The following DNAJC3 variants were observed in gnomAD, a reference collection of about 807,000 sequenced individuals.
DNAJC3 encodes dnaJ homolog subfamily C member 3.
In DNAJC3, 38 loss-of-function variants were observed where a neutral mutation model predicts 68.6. That is an observed-to-expected ratio of 0.55 (90% CI 0.43 to 0.73). The LOEUF is 0.73. Among genes scored for constraint, DNAJC3 ranks in the 30% least tolerant of loss-of-function variants. The pLI is 0.00. For missense variants in DNAJC3, 526 were observed against 591.9 expected (o/e 0.89, Z 1.16); for synonymous variants, 203 against 204.0 (o/e 1.00, Z 0.04).
In DNAJC3 at chr13:95,794,967, A is replaced by C. The variant is rs1883917278; in HGVS notation, c.*3937A>C. On this transcript the variant is annotated 3_prime_UTR_variant, in exon 12 of 12. Coordinates refer to ENST00000602402, the MANE Select transcript of DNAJC3 (RefSeq NM_006260.5). ...CCCGTGTATTTTCACATTTAATAAA[A>C]ATATTTATGGTCATATCAGTATTTC... The C allele has an allele frequency of 6.6e-6, 1 of 152,256 alleles. No individual in the cohort carries two copies. Among genetic ancestry groups the C allele is most frequent in the Non-Finnish European group, 1.5e-5 (1 of 68,046 alleles). 9.4% of individuals were successfully genotyped at this position (152,256 alleles called of 1,614,324 possible). A position where few individuals can be genotyped will look rare whatever the true frequency, so the allele number is the denominator to read the frequency against.
rs117596463 is a variant in DNAJC3 at position 95,681,404 on chromosome 13, G to A, written c.82+4067G>A. Among the ~76,000 whole-genome samples, 142 of 152,238 alleles carry A rather than the reference G, an allele frequency of 9.3e-4. 2 individuals carry two copies. The East Asian group carries it at 0.021, about 23-fold the overall frequency. On this transcript the variant is annotated intron_variant, in intron 1 of 11. Transcript: ENST00000602402. Reference sequence around the variant, plus strand: ...CTTGCCCTGTCACCCAGGCTGGAGTGCAGTGGCATGATCCTAGCTCAATGT... The same window carrying A: ...CTTGCCCTGTCACCCAGGCTGGAGTACAGTGGCATGATCCTAGCTCAATGT...
rs1309668874 is a variant in DNAJC3 at position 95,763,766 on chromosome 13, C to T, written c.954+18C>T. On this transcript the variant is annotated intron_variant, in intron 8 of 11. Coordinates refer to ENST00000602402, the MANE Select transcript of DNAJC3 (RefSeq NM_006260.5). ...TTTCTAAGGTAACAGTTGACTTGTT[C>T]CCAGAAATGTGAAAACTCAACATGT... 1.2e-6 allele frequency: 2 copies of T among 1,613,604 alleles called. No homozygotes were observed. Among genetic ancestry groups the T allele is most frequent in the Non-Finnish European group, 1.7e-6 (2 of 1,179,738 alleles).
In DNAJC3 at chr13:95,677,183, G is replaced by A. The variant is rs1434281703; in HGVS notation, c.-73G>A. ...CGAGAGCCGACGGCGGGCGGGCGCAGCTGCTGCCGGAGCGCCGGCGCGTGC... is the reference window on the plus strand; with the variant it reads ...CGAGAGCCGACGGCGGGCGGGCGCAACTGCTGCCGGAGCGCCGGCGCGTGC... On this transcript the variant is annotated 5_prime_UTR_variant, in exon 1 of 12. Coordinates refer to ENST00000602402, the MANE Select transcript of DNAJC3 (RefSeq NM_006260.5). 5 of 1,452,324 alleles carry A rather than the reference G, an allele frequency of 3.4e-6. No homozygotes were observed. In the Admixed American group the frequency reaches 7.7e-5, roughly 22 times the overall value. 90.0% of individuals were successfully genotyped at this position (1,452,324 alleles called of 1,614,324 possible). A position where few individuals can be genotyped will look rare whatever the true frequency, so the allele number is the denominator to read the frequency against.
At chr13:95,725,853 T>G (rs1289761302) in intron 4 of DNAJC3, among the ~76,000 whole-genome samples, 1 of 117,640 alleles carries the variant, frequency 8.5e-6, no homozygotes, top group Non-Finnish European at 1.6e-5. Flanking sequence ...GTCCCCGGAG[T>G]GTGATGTTCC....
At chr13:95,680,200 C>T (rs1235443299) in intron 1 of DNAJC3, among the ~76,000 whole-genome samples, 1 of 152,206 alleles carries the variant, frequency 6.6e-6, no homozygotes, top group Non-Finnish European at 1.5e-5. Context: ...AGTAGCAACA[C>T]AGCCTGGGAA....
At chr13:95,686,488 C>T (rs148247759) in intron 1 of DNAJC3, among the ~76,000 whole-genome samples, 5 of 152,196 alleles carry the variant, frequency 3.3e-5, no homozygotes, top group East Asian at 1.9e-4. Context: ...TTGGGGTCTT[C>T]GTCATAAGTT....
At chr13:95,757,983 T>C (rs1202945665) in intron 5 of DNAJC3, among the ~76,000 whole-genome samples, 187 bp downstream of exon 5, 2 of 152,190 alleles carry the variant, frequency 1.3e-5, no homozygotes, top group Non-Finnish European at 2.9e-5. Context: ...TTTCAGTAAA[T>C]GTACTGAATG....
intron 11 of DNAJC3, among the ~76,000 whole-genome samples, chr13:95,790,442 G>C (rs1266810054): frequency 6.6e-6 from 1 of 152,212 alleles, no homozygotes. Flanking sequence ...CTTAGTGCTA[G>C]AATGCTCATT....
rs577590321 is a variant in DNAJC3 at position 95,792,379 on chromosome 13, G to A, written c.*1349G>A. Reference sequence around the variant, plus strand: ...GAATTACTTTAGATAGATAGGAATTGCTACCTTTATTCTGGAAAGGTTTTG... The same window carrying A: ...GAATTACTTTAGATAGATAGGAATTACTACCTTTATTCTGGAAAGGTTTTG... On this transcript the variant is annotated 3_prime_UTR_variant, in exon 12 of 12. Transcript: ENST00000602402. 29 of 152,226 alleles carry A rather than the reference G, an allele frequency of 1.9e-4. No individual in the cohort carries two copies. Among genetic ancestry groups the A allele is most frequent in the Non-Finnish European group, 3.7e-4 (25 of 68,038 alleles). The allele number at this position is 152,226 out of a possible 1,614,324, so 9.4% of individuals were successfully genotyped here.
chr13:95,764,691 CACACATATATATATACATATATATAT>C (rs1882933807), intron 9 of DNAJC3, among the ~76,000 whole-genome samples: 2 of 131,446 alleles, frequency 1.5e-5, no homozygotes, highest in African/African-American at 3.0e-5. Flanking sequence ...TATACACACA[CACACATATATATATACATATATATAT>C]ACACATATAT....
chr13:95,685,713 T>G (rs886803675), intron 1 of DNAJC3, among the ~76,000 whole-genome samples: 25 of 152,184 alleles, frequency 1.6e-4, no homozygotes, highest in Admixed American at 1.4e-3. Flanking sequence ...ATCTCCATAT[T>G]GTTTTCCATA....
chr13:95,784,628 C>T (rs537139673), intron 9 of DNAJC3, among the ~76,000 whole-genome samples: 2 of 152,258 alleles, frequency 1.3e-5, no homozygotes, highest in Admixed American at 6.5e-5. Flanking sequence ...CTGTATTTTT[C>T]ATACAAACAG....
At chr13:95,750,039 CAGAT>C (rs1220991579) in intron 4 of DNAJC3, among the ~76,000 whole-genome samples, 1 of 151,912 alleles carries the variant, frequency 6.6e-6, no homozygotes, top group Admixed American at 6.6e-5. Context: ...TGCTGTGACT[CAGAT>C]AGCTGTTTCC....
chr13:95,704,516 T>C lies in DNAJC3; in HGVS notation c.83-4711T>C, dbSNP rs535356735. On this transcript the variant is annotated intron_variant, in intron 1 of 11. Coordinates refer to ENST00000602402, the MANE Select transcript of DNAJC3 (RefSeq NM_006260.5). ...TAATCTTAGTGTCATGAGCACATTG[T>C]CCACCTCTTTTGCTATGAAGTGAAT... Among the ~76,000 whole-genome samples the C allele has an allele frequency of 3.9e-5, 6 of 152,342 alleles. 1 individual carries two copies. The South Asian group carries it at 1.2e-3, about 32-fold the overall frequency.
intron 6 of DNAJC3, 130 bp downstream of exon 6, chr13:95,760,351 C>T: frequency 1.2e-6 from 1 of 852,428 alleles, no homozygotes; most frequent in Non-Finnish European, 1.7e-6. Flanking sequence ...TATTGTATAT[C>T]CATTTATATA....
intron 2 of DNAJC3, among the ~76,000 whole-genome samples, chr13:95,715,604 G>A (rs993852224): frequency 6.6e-6 from 1 of 150,848 alleles, no homozygotes; most frequent in African/African-American, 2.4e-5. Flanking sequence ...TTGGCCTCCT[G>A]AGCAGCCCGA....
At chr13:95,732,807 A>C (rs1881760287) in intron 4 of DNAJC3, among the ~76,000 whole-genome samples, 1 of 151,826 alleles carries the variant, frequency 6.6e-6, no homozygotes, top group Non-Finnish European at 1.5e-5. Flanking sequence ...TTATTGCTAC[A>C]AAGTTTCCTC....
intron 1 of DNAJC3, among the ~76,000 whole-genome samples, chr13:95,690,029 G>T (rs185502055): frequency 6.7e-6 from 1 of 149,470 alleles, no homozygotes; most frequent in Non-Finnish European, 1.5e-5. Flanking sequence ...GGTGTTTCTC[G>T]CAGAGGGGGA....
chr13:95,678,663 C>G (rs1319644719), intron 1 of DNAJC3, among the ~76,000 whole-genome samples: 1 of 152,124 alleles, frequency 6.6e-6, no homozygotes, highest in Non-Finnish European at 1.5e-5. Flanking sequence ...TATTTATCTC[C>G]AGTTATCATT....
Sources: gnomAD v4.1 joint callset for allele counts (sites outside exome capture counted in the v4.1 genomes callset) on GRCh38, gnomAD v4.1.1 for gene constraint, MANE v1.5 for transcripts, NCBI Gene and HGNC (gene_info 2026-07-23, HGNC 2026-07-21) for gene names.